The following TET1 variants were observed in gnomAD, a reference collection of about 807,000 sequenced individuals.
TET1 encodes tet methylcytosine dioxygenase 1, also known as methylcytosine dioxygenase TET1.
TET1 carries 13 observed loss-of-function variants against 148.7 expected under a neutral mutation model. The observed-to-expected ratio is 0.09, with a 90% confidence interval of 0.06 to 0.14. TET1 has a LOEUF of 0.14. Ranked by LOEUF, TET1 falls within the 10% of genes least tolerant of loss-of-function variation. TET1 has a pLI of 1.00. For missense variants in TET1, 2,182 were observed against 2,553.8 expected, an observed-to-expected ratio of 0.85 and a Z score of 3.14; for synonymous variants, 907 against 937.2, an observed-to-expected ratio of 0.97 and a Z score of 0.59.
chr10:68,657,325 T>C (rs146183584), intron 6 of TET1, among the ~76,000 whole-genome samples: 10,064 of 152,042 alleles, frequency 0.066, 1,119 homozygotes, highest in African/African-American at 0.23. Flanking sequence ...TACAGGCGCC[T>C]GCCACCACAA....
At chr10:68,668,604 G>A (rs560519529) in intron 7 of TET1, among the ~76,000 whole-genome samples, 3 of 152,230 alleles carry the variant, frequency 2.0e-5, no homozygotes, top group Middle Eastern at 3.4e-3. Context: ...TTTTTGAGAC[G>A]GAGTCTCGCT....
chr10:68,576,470 C>T (rs997004793), intron 2 of TET1, among the ~76,000 whole-genome samples: 10 of 151,986 alleles, frequency 6.6e-5, no homozygotes, highest in Non-Finnish European at 1.2e-4. Context: ...CGAAATCAGC[C>T]TGGGCAACAT....
intron 3 of TET1, among the ~76,000 whole-genome samples, chr10:68,616,296 A>G (rs1589079192): frequency 6.6e-6 from 1 of 150,478 alleles, no homozygotes; most frequent in East Asian, 1.9e-4. Flanking sequence ...ATATTTTCCA[A>G]GCGTACAGGT....
intron 3 of TET1, among the ~76,000 whole-genome samples, chr10:68,613,754 T>C (rs2054249734): frequency 6.6e-6 from 1 of 152,044 alleles, no homozygotes; most frequent in African/African-American, 2.4e-5. Flanking sequence ...CTAGCCAACA[T>C]GGTGAAACCC....
intron 2 of TET1, among the ~76,000 whole-genome samples, chr10:68,599,807 C>T (rs1047110872): frequency 6.6e-6 from 1 of 152,154 alleles, no homozygotes; most frequent in Non-Finnish European, 1.5e-5. Flanking sequence ...TTTTCCTTCT[C>T]GTAGGGGAGA....
rs769368130 is a variant in TET1 at position 68,601,001 on chromosome 10, G to T, written c.1935G>T (p.Arg645Ser). 1.2e-6 allele frequency: 2 copies of T among 1,605,886 alleles called. No individual in the cohort carries two copies. Among genetic ancestry groups the T allele is most frequent in the East Asian group, 4.5e-5 (2 of 44,726 alleles). ...VPLEVIKENK[R>S]PQREKKPKVL... ...TTTAGGTTATAAAGGAAAACAAGAG[G>T]CCCCAGAGGGAAAAGAAGCCCAAAG... Residue 645 changes from arginine to serine, a missense_variant, in exon 3 of 12, where the codon AGG (arginine) becomes AGT (serine). Transcript: ENST00000373644.
At chr10:68,563,269 G>T (rs1236948873) in intron 1 of TET1, among the ~76,000 whole-genome samples, 14 of 152,194 alleles carry the variant, frequency 9.2e-5, no homozygotes, top group Admixed American at 6.5e-5. Flanking sequence ...TGTGCCGAGG[G>T]CTCTCACACT....
chr10:68,655,671 GT>G (rs1287246507), intron 6 of TET1, among the ~76,000 whole-genome samples: 3 of 152,070 alleles, frequency 2.0e-5, no homozygotes, highest in African/African-American at 7.2e-5. Context: ...TTTTGTTTTT[GT>G]TTTCCTTAAG....
At chr10:68,609,036 C>T (rs941931678) in intron 3 of TET1, among the ~76,000 whole-genome samples, 12 of 151,940 alleles carry the variant, frequency 7.9e-5, no homozygotes, top group Admixed American at 7.9e-4. Flanking sequence ...CAGGGTCTCA[C>T]TTTGTCACCT....
intron 11 of TET1, among the ~76,000 whole-genome samples, chr10:68,687,157 C>G (rs12357585): frequency 0.29 from 41,826 of 143,836 alleles, 5,733 homozygotes; most frequent in Non-Finnish European, 0.38. Flanking sequence ...CCCGCCTTGG[C>G]CTCCCAAAGT....
chr10:68,581,923 G>T (rs1401992395), intron 2 of TET1, among the ~76,000 whole-genome samples: 1 of 151,968 alleles, frequency 6.6e-6, no homozygotes, highest in Admixed American at 6.6e-5. Context: ...GGTGATTTTG[G>T]TGTAGTATCA....
In TET1 at chr10:68,691,481, G is replaced by A. The variant is rs372024287; in HGVS notation, c.6078G>A (p.Glu2026=). 3 of 1,613,896 alleles carry A rather than the reference G, an allele frequency of 1.9e-6. No individual in the cohort carries two copies. The highest frequency in any genetic ancestry group is 2.5e-6 in the Non-Finnish European group (3 of 1,180,024). The part of the protein sequence containing the change: ...GSVLIECARR[E]LHATTPVEHP... ...TTTTGATTGAGTGTGCCCGGCGAGA[G>A]CTGCACGCTACCACTCCTGTTGAGC... Residue 2026 remains glutamate (E), a synonymous_variant, in exon 12 of 12, where the codon GAG becomes GAA. Coordinates refer to ENST00000373644, the MANE Select transcript of TET1 (RefSeq NM_030625.3). This position sits in a 1 kb window ranked among gnomAD's most constrained non-coding sequence, Gnocchi z 4.4.
intron 1 of TET1, among the ~76,000 whole-genome samples, chr10:68,567,956 G>A (rs952333870): frequency 1.3e-5 from 2 of 152,014 alleles, no homozygotes; most frequent in Non-Finnish European, 2.9e-5. Flanking sequence ...TTGGCTCACC[G>A]CAACTTCTGT....
rs1406595316 is a variant in TET1, at chr10:68,624,710, CTTCCTTCTTTCT to C, written c.1969-19972_1969-19961del. Reference sequence around the variant, plus strand: ...TCTCTCTCTCTCTTTCTTTCTTTTCCTTCCTTCTTTCTTTCCTTCTTTCTTTCTTTCTTTTTT... The same window carrying C: ...TCTCTCTCTCTCTTTCTTTCTTTTCCTTCCTTCTTTCTTTCTTTCTTTTTT... On this transcript the variant is annotated intron_variant, in intron 3 of 11. Transcript: ENST00000373644. Among the ~76,000 whole-genome samples the C allele has an allele frequency of 4.8e-4, 50 of 103,308 alleles. 1 individual carries two copies. The highest frequency in any genetic ancestry group is 7.5e-4 in the Non-Finnish European group (38 of 50,802). The allele number at this position is 103,308 out of a possible 152,430, so 67.8% of individuals were successfully genotyped here. A position where few individuals can be genotyped will look rare whatever the true frequency, so the allele number is the denominator to read the frequency against.
At chr10:68,674,007 G>C (rs1198447112) in intron 8 of TET1, among the ~76,000 whole-genome samples, 1 of 138,266 alleles carries the variant, frequency 7.2e-6, no homozygotes, top group East Asian at 2.0e-4. Flanking sequence ...TGTTGCCCAG[G>C]CTGGAGTACA....
intron 10 of TET1, among the ~76,000 whole-genome samples, chr10:68,683,263 C>T (rs1307813999): frequency 6.6e-6 from 1 of 151,456 alleles, no homozygotes; most frequent in Non-Finnish European, 1.5e-5. Flanking sequence ...GGCAGGAGTA[C>T]TTTTTTTTAA....
rs1230724828 is a variant in TET1 at position 68,624,726 on chromosome 10, CTTCT to C, written c.1969-19957_1969-19954del. ...TTTCTTTTCCTTCCTTCTTTCTTTC[CTTCT>C]TTCTTTCTTTCTTTTTTTTGAGACG... On this transcript the variant is annotated intron_variant, in intron 3 of 11. Coordinates refer to ENST00000373644, the MANE Select transcript of TET1 (RefSeq NM_030625.3). Among the ~76,000 whole-genome samples the C allele has an allele frequency of 8.1e-3, 942 of 116,214 alleles. 19 individuals carry two copies. Among genetic ancestry groups the C allele is most frequent in the African/African-American group, 0.028 (852 of 30,500 alleles). The allele number at this position is 116,214 out of a possible 152,430, so 76.2% of individuals were successfully genotyped here. A position where few individuals can be genotyped will look rare whatever the true frequency, so the allele number is the denominator to read the frequency against.
At chr10:68,663,639 C>T (rs1012715400) in intron 6 of TET1, among the ~76,000 whole-genome samples, 6 of 152,036 alleles carry the variant, frequency 3.9e-5, no homozygotes, top group Non-Finnish European at 7.4e-5. Context: ...GTCTGTATAC[C>T]AGCAAGAAGT....
At chr10:68,652,637 C>A in intron 6 of TET1, 43 bp downstream of exon 6, 1 of 1,312,386 alleles carries the variant, frequency 7.6e-7, no homozygotes, top group South Asian at 1.3e-5. Flanking sequence ...GCTTGTTATT[C>A]CAGAGCTGAT....
Sources: allele counts gnomAD v4.1 joint callset (sites outside exome capture counted in the v4.1 genomes callset), GRCh38; gene constraint gnomAD v4.1.1; non-coding constraint Gnocchi (gnomAD v3.1); transcripts MANE v1.5; gene names NCBI Gene and HGNC (gene_info 2026-07-23, HGNC 2026-07-21).